Variants in UST observed in about 807,000 individuals in gnomAD.
The protein encoded by UST is uronyl 2-sulfotransferase.
Under a neutral mutation model 45.6 loss-of-function variants are expected in UST, and 21 were observed. The ratio of observed to expected loss-of-function variants is 0.46; its 90% CI spans 0.33 to 0.66. The LOEUF is 0.66. Ranked by LOEUF, UST falls within the 30% of genes least tolerant of loss-of-function variation. The probability of loss-of-function intolerance (pLI) is 0.02; values close to 1 mark genes in which losing one functional copy is unlikely to be tolerated. For synonymous variants in UST, 215 were observed against 200.6 expected, an observed-to-expected ratio of 1.07 and a Z score of -0.61; for missense variants, 463 against 512.4, an observed-to-expected ratio of 0.90 and a Z score of 0.93.
chr6:148,970,285 C>T (rs1252394436), intron 5 of UST, among the ~76,000 whole-genome samples: 1 of 152,166 alleles, frequency 6.6e-6, no homozygotes, highest in African/African-American at 2.4e-5. Flanking sequence ...CTACCCCCTG[C>T]CACCTGTGCT....
intron 1 of UST, among the ~76,000 whole-genome samples, chr6:148,749,376 G>C (rs1256697288): frequency 1.3e-5 from 2 of 152,202 alleles, no homozygotes; most frequent in Non-Finnish European, 2.9e-5. Context: ...AAATCTGACA[G>C]TGAATTCTTG....
At chr6:148,820,060 C>G (rs1184325030) in intron 1 of UST, among the ~76,000 whole-genome samples, 1 of 152,198 alleles carries the variant, frequency 6.6e-6, no homozygotes, top group Admixed American at 6.5e-5. Flanking sequence ...TCCCCTGTTC[C>G]TCTAGGTAGC....
chr6:148,990,719 T>C (rs1781332511), intron 5 of UST, among the ~76,000 whole-genome samples: 1 of 152,150 alleles, frequency 6.6e-6, no homozygotes, highest in South Asian at 2.1e-4. Context: ...AGAGGTTCTT[T>C]CAAAGCGCAA....
At chr6:148,864,326 G>A (rs1037876796) in intron 1 of UST, among the ~76,000 whole-genome samples, 5 of 152,246 alleles carry the variant, frequency 3.3e-5, no homozygotes, top group Admixed American at 3.3e-4. Context: ...TAATCTCCTG[G>A]TGTGCCATTT....
chr6:148,961,346 G>A lies in UST; in HGVS notation c.528-3064G>A, dbSNP rs529047987. On this transcript the variant is annotated intron_variant, in intron 4 of 7. Transcript: ENST00000367463. ...TTGAACAAAAAACAAAATATGGCCTGACTCTTCTACTCTCTAGTGTATGCA... is the reference window on the plus strand; with the variant it reads ...TTGAACAAAAAACAAAATATGGCCTAACTCTTCTACTCTCTAGTGTATGCA... 6.6e-5 allele frequency among the ~76,000 whole-genome samples: 10 copies of A among 152,282 alleles called. No individual in the cohort carries two copies. The South Asian group carries it at 1.0e-3, about 16-fold the overall frequency.
intron 5 of UST, among the ~76,000 whole-genome samples, chr6:148,991,852 C>T (rs537219337): frequency 1.3e-5 from 2 of 152,208 alleles, no homozygotes; most frequent in Non-Finnish European, 2.9e-5. Context: ...CCTTAGACTA[C>T]ATCAAACTGC....
intron 7 of UST, chr6:149,027,672 T>C (rs1776068606): frequency 6.6e-6 from 1 of 152,248 alleles, no homozygotes; most frequent in East Asian, 1.9e-4. Context: ...CTTCAGAATG[T>C]GTTCTTCCCT....
chr6:148,758,632 C>G (rs1776142383), intron 1 of UST, among the ~76,000 whole-genome samples: 1 of 152,204 alleles, frequency 6.6e-6, no homozygotes, highest in Admixed American at 6.5e-5. Context: ...CCACTTCCCT[C>G]TCATTGACAG....
At chr6:148,938,488 AAAATT>A (rs1780061015) in intron 2 of UST, among the ~76,000 whole-genome samples, 1 of 152,224 alleles carries the variant, frequency 6.6e-6, no homozygotes, top group Admixed American at 6.5e-5. Flanking sequence ...ATATTTCAGG[AAAATT>A]AAATTAACCT....
intron 5 of UST, among the ~76,000 whole-genome samples, chr6:149,003,581 T>C (rs529676720): frequency 6.6e-6 from 1 of 152,308 alleles, no homozygotes; most frequent in South Asian, 2.1e-4. Flanking sequence ...CCAAAAACAC[T>C]ATAATGGTGA....
At chr6:148,864,268 C>T (rs1462638120) in intron 1 of UST, among the ~76,000 whole-genome samples, 2 of 152,358 alleles carry the variant, frequency 1.3e-5, no homozygotes, top group Admixed American at 6.5e-5. Context: ...GTGCTAGCAG[C>T]GAGTGAGGCT....
intron 2 of UST, among the ~76,000 whole-genome samples, chr6:148,891,236 C>T (rs1779012363): frequency 6.6e-6 from 1 of 152,144 alleles, no homozygotes; most frequent in Non-Finnish European, 1.5e-5. Context: ...TGACGTTTCC[C>T]CTCCTTGGCT....
chr6:149,061,217 C>T (rs929746714), intron 7 of UST, among the ~76,000 whole-genome samples: 1 of 152,006 alleles, frequency 6.6e-6, no homozygotes, highest in Admixed American at 6.5e-5. Flanking sequence ...TGGCCCAGAG[C>T]CAGGGCTACA....
chr6:148,895,110 C>T (rs1779099642), intron 2 of UST, among the ~76,000 whole-genome samples: 1 of 152,150 alleles, frequency 6.6e-6, no homozygotes, highest in South Asian at 2.1e-4. Context: ...GCCACTGCGC[C>T]TGGCATTTCA....
Position 149,076,115 on chromosome 6 carries a change from T to C in UST, c.*1999T>C, listed in dbSNP as rs886908032. ...TCAGAGGACGGGGGCAGAGAAGTGA[T>C]GAAGGGAAATGTTCTTAGAGGAGGA... On this transcript the variant is annotated 3_prime_UTR_variant, in exon 8 of 8. Transcript: ENST00000367463. 2.5e-4 allele frequency: 38 copies of C among 152,452 alleles called. No homozygotes were observed. Among genetic ancestry groups the C allele is most frequent in the African/African-American group, 8.7e-4 (36 of 41,434 alleles). The allele number at this position is 152,452 out of a possible 1,614,324, so 9.4% of individuals were successfully genotyped here. A position where few individuals can be genotyped will look rare whatever the true frequency, so the allele number is the denominator to read the frequency against.
intron 4 of UST, among the ~76,000 whole-genome samples, chr6:148,957,829 T>C (rs1780550884): frequency 6.6e-6 from 1 of 152,236 alleles, no homozygotes; most frequent in Admixed American, 6.5e-5. Context: ...CCTACCCTTA[T>C]AGCTGCTGAC....
In UST at chr6:148,790,195, G is replaced by A. The variant is rs1174191907; in HGVS notation, c.247+42518G>A. ...CGTCTCCTCCTAAGGCGGCAGCCTC[G>A]CTGGGTGGATTGAGTGGTTACCTTG... On this transcript the variant is annotated intron_variant, in intron 1 of 7. Coordinates refer to ENST00000367463, the MANE Select transcript of UST (RefSeq NM_005715.3). This position sits in a 1 kb window ranked among gnomAD's most constrained non-coding sequence, Gnocchi z 4.2. 2.0e-5 allele frequency among the ~76,000 whole-genome samples: 3 copies of A among 152,092 alleles called. No homozygotes were observed. The highest frequency in any genetic ancestry group is 6.5e-5 in the Admixed American group (1 of 15,272).
intron 4 of UST, among the ~76,000 whole-genome samples, chr6:148,958,405 T>C (rs148503139): frequency 3.9e-3 from 588 of 152,276 alleles, no homozygotes; most frequent in African/African-American, 0.013. Flanking sequence ...GCACACTGGG[T>C]TGCTGTTGCA....
Position 148,911,238 on chromosome 6 carries a change from G to A in UST, c.291+24209G>A, listed in dbSNP as rs189156853. On this transcript the variant is annotated intron_variant, in intron 2 of 7. Coordinates refer to ENST00000367463, the MANE Select transcript of UST (RefSeq NM_005715.3). ...CAGTCATCACCACTCTGAAGCTCAA[G>A]CTCTAATGAGAAGCTGGACCTCTCT... Among the ~76,000 whole-genome samples, 12 of 152,308 alleles carry A rather than the reference G, an allele frequency of 7.9e-5. No homozygotes were observed. In the East Asian group the frequency reaches 2.3e-3, roughly 29 times the overall value.
Sources: gnomAD v4.1 joint callset for allele counts (sites outside exome capture counted in the v4.1 genomes callset) on GRCh38, gnomAD v4.1.1 for gene constraint, Gnocchi (gnomAD v3.1) non-coding constraint, MANE v1.5 for transcripts, NCBI Gene and HGNC (gene_info 2026-07-23, HGNC 2026-07-21) for gene names.